TECRL: variants seen among roughly 807,000 people sequenced by gnomAD.
TECRL encodes trans-2,3-enoyl-CoA reductase-like.
TECRL carries 63 observed loss-of-function variants against 52.8 expected under a neutral mutation model. The observed-to-expected ratio is 1.19, with a 90% CI of 0.97 to 1.47. The LOEUF (loss-of-function observed/expected upper bound fraction) is 1.47. Among genes scored for constraint, TECRL ranks in the 40% most tolerant of loss-of-function variants. The pLI, the probability that TECRL is intolerant of heterozygous loss-of-function variation, is 0.00. For synonymous variants in TECRL, 164 were observed against 141.9 expected (o/e 1.16, Z -1.10); for missense variants, 482 against 429.6 (o/e 1.12, Z -1.08).
chr4:64,374,807 A>G (rs1722282948), intron 2 of TECRL, among the ~76,000 whole-genome samples: 5 of 151,998 alleles, frequency 3.3e-5, no homozygotes, highest in African/African-American at 1.2e-4. Flanking sequence ...AATCCAGTCT[A>G]TCTTTGTTGG....
At chr4:64,335,945 G>A (rs1012732855) in intron 2 of TECRL, among the ~76,000 whole-genome samples, 6 of 152,036 alleles carry the variant, frequency 3.9e-5, no homozygotes, top group Non-Finnish European at 7.4e-5. Flanking sequence ...TTTTTGCATC[G>A]ATGTTCATCA....
At chr4:64,398,898 G>A (rs1042217643) in intron 1 of TECRL, among the ~76,000 whole-genome samples, 2 of 152,138 alleles carry the variant, frequency 1.3e-5, no homozygotes, top group Non-Finnish European at 2.9e-5. Context: ...AAGAAAATGA[G>A]AAACTTACTG....
At chr4:64,319,044 AT>A (rs1717704861) in intron 4 of TECRL, among the ~76,000 whole-genome samples, 2 of 152,012 alleles carry the variant, frequency 1.3e-5, no homozygotes, top group East Asian at 1.9e-4. Flanking sequence ...TTTATGAAAT[AT>A]TTTTACCTTA....
chr4:64,288,926 C>G (rs1050686605), intron 9 of TECRL, among the ~76,000 whole-genome samples: 1 of 152,128 alleles, frequency 6.6e-6, no homozygotes, highest in African/African-American at 2.4e-5. Context: ...AAAGTTTTGC[C>G]TCATCCACCA....
intron 6 of TECRL, 151 bp from the exon 7 acceptor site, chr4:64,305,389 C>T (rs752184854): frequency 1.5e-6 from 1 of 656,434 alleles, no homozygotes; most frequent in Non-Finnish European, 2.6e-6. Context: ...TAAAATGGTA[C>T]AAATTGTCTA....
chr4:64,325,441 A>C (rs966458366), intron 3 of TECRL, among the ~76,000 whole-genome samples: 1 of 152,186 alleles, frequency 6.6e-6, no homozygotes, highest in Non-Finnish European at 1.5e-5. Flanking sequence ...TCTTCACATG[A>C]GAATTCAGTT....
At chr4:64,356,668 T>G (rs981185017) in intron 2 of TECRL, among the ~76,000 whole-genome samples, 2 of 152,180 alleles carry the variant, frequency 1.3e-5, no homozygotes, top group Admixed American at 1.3e-4. Flanking sequence ...GCATTCCTCT[T>G]GCTGAGATAG....
intron 1 of TECRL, among the ~76,000 whole-genome samples, chr4:64,382,225 ATATATATATAG>A (rs1414138454): frequency 0.027 from 81 of 2,972 alleles, 1 homozygote; most frequent in African/African-American, 0.03. Flanking sequence ...ATATATATAT[ATATATATATAG>A]TATTATGTAT....
chr4:64,374,699 A>G (rs1421183700), intron 2 of TECRL, among the ~76,000 whole-genome samples: 1 of 151,940 alleles, frequency 6.6e-6, no homozygotes. Flanking sequence ...GCTGAGAATG[A>G]TGGTTTCCAG....
chr4:64,392,068 T>G (rs1723584952), intron 1 of TECRL, among the ~76,000 whole-genome samples: 1 of 151,930 alleles, frequency 6.6e-6, no homozygotes, highest in Non-Finnish European at 1.5e-5. Context: ...AACTGGTGTA[T>G]CTGCCCTGCA....
chr4:64,394,638 A>C (rs1169529692), intron 1 of TECRL, among the ~76,000 whole-genome samples: 2 of 152,208 alleles, frequency 1.3e-5, no homozygotes, highest in Non-Finnish European at 2.9e-5. Context: ...AGCTAAAGAT[A>C]GGTCTTGAAC....
At chr4:64,362,198 A>G (rs947429440) in intron 2 of TECRL, among the ~76,000 whole-genome samples, 1 of 152,138 alleles carries the variant, frequency 6.6e-6, no homozygotes, top group Non-Finnish European at 1.5e-5. Context: ...AAATGTGAGA[A>G]TATGTAAAGA....
chr4:64,338,698 A>G (rs577713650), intron 2 of TECRL, among the ~76,000 whole-genome samples: 5 of 152,338 alleles, frequency 3.3e-5, no homozygotes, highest in African/African-American at 1.2e-4. Flanking sequence ...ATCATCACTG[A>G]CCATCAGAGA....
chr4:64,344,254 C>G (rs966744956), intron 2 of TECRL, among the ~76,000 whole-genome samples: 1 of 151,796 alleles, frequency 6.6e-6, no homozygotes, highest in African/African-American at 2.4e-5. Context: ...ATTTATATCT[C>G]TATATAACCT....
chr4:64,326,981 A>G (rs528920693), intron 3 of TECRL, among the ~76,000 whole-genome samples: 1 of 152,146 alleles, frequency 6.6e-6, no homozygotes, highest in South Asian at 2.1e-4. Flanking sequence ...ACTAAGATTG[A>G]TGGAGCAACT....
At chr4:64,381,990 G>T (rs1049259227) in intron 1 of TECRL, among the ~76,000 whole-genome samples, 1 of 151,560 alleles carries the variant, frequency 6.6e-6, no homozygotes, top group Non-Finnish European at 1.5e-5. Flanking sequence ...AGAATTTTTG[G>T]AATAGTATGA....
chr4:64,364,980 C>T (rs949947792), intron 2 of TECRL, among the ~76,000 whole-genome samples: 23 of 151,852 alleles, frequency 1.5e-4, no homozygotes, highest in African/African-American at 3.4e-4. Flanking sequence ...ACAATAACCC[C>T]GATGAAGATA....
intron 9 of TECRL, among the ~76,000 whole-genome samples, chr4:64,284,638 C>T (rs570503570): frequency 1.3e-5 from 2 of 152,194 alleles, no homozygotes; most frequent in Admixed American, 1.3e-4. Flanking sequence ...AATTACAGTA[C>T]TTAATTGTTC....
chr4:64,400,429 G>A (rs1158957891), intron 1 of TECRL, among the ~76,000 whole-genome samples: 1 of 152,158 alleles, frequency 6.6e-6, no homozygotes, highest in Non-Finnish European at 1.5e-5. Flanking sequence ...ACTAAAATGA[G>A]TTAAGACTTT....
Sources: gnomAD v4.1 joint callset for allele counts (sites outside exome capture counted in the v4.1 genomes callset) on GRCh38, gnomAD v4.1.1 for gene constraint, MANE v1.5 for transcripts, NCBI Gene and HGNC (gene_info 2026-07-23, HGNC 2026-07-21) for gene names.